Variants in MSI2 observed in about 807,000 individuals in gnomAD.
MSI2 encodes musashi RNA binding protein 2, also known as RNA-binding protein Musashi homolog 2.
Under a neutral mutation model 45.6 loss-of-function variants are expected in MSI2, and 17 were observed. That is an observed-to-expected ratio of 0.37 (90% CI 0.26 to 0.56). MSI2 has a LOEUF of 0.56. Among genes scored for constraint, MSI2 ranks in the 20% least tolerant of loss-of-function variants. The pLI is 0.77. For missense variants in MSI2, 293 were observed against 444.2 expected, an observed-to-expected ratio of 0.66 and a Z score of 3.06; for synonymous variants, 156 against 158.2, an observed-to-expected ratio of 0.99 and a Z score of 0.11.
intron 6 of MSI2, among the ~76,000 whole-genome samples, chr17:57,479,668 C>T (rs1227960868): frequency 1.3e-5 from 2 of 152,166 alleles, no homozygotes; most frequent in East Asian, 1.9e-4. Context: ...CACATCTGCA[C>T]TAATTGGAGC....
intron 6 of MSI2, among the ~76,000 whole-genome samples, chr17:57,438,931 C>T (rs571840949): frequency 8.5e-4 from 129 of 152,214 alleles, no homozygotes; most frequent in African/African-American, 3.0e-3. Flanking sequence ...TCCCAAGTAG[C>T]TAGGATTACA....
chr17:57,396,945 G>A (rs954319548), intron 5 of MSI2, among the ~76,000 whole-genome samples: 3 of 152,104 alleles, frequency 2.0e-5, no homozygotes, highest in African/African-American at 7.2e-5. Context: ...TCTAATGGTG[G>A]GAAGCACTCA....
chr17:57,598,433 G>C (rs1188928803), intron 8 of MSI2, among the ~76,000 whole-genome samples: 1 of 152,064 alleles, frequency 6.6e-6, no homozygotes, highest in Non-Finnish European at 1.5e-5. Context: ...TTTTTTCCCA[G>C]GGCACTAAAA....
chr17:57,428,978 A>G (rs2084544990), intron 6 of MSI2, among the ~76,000 whole-genome samples: 1 of 151,998 alleles, frequency 6.6e-6, no homozygotes, highest in Admixed American at 6.6e-5. Flanking sequence ...AGGCATTGGG[A>G]CTCCAGAGTG....
the MSI2 span, among the ~76,000 whole-genome samples, chr17:57,693,195 C>A: frequency 6.7e-6 from 1 of 149,962 alleles, no homozygotes; most frequent in South Asian, 2.1e-4. Context: ...TTTTTCTTTT[C>A]TTTTTGAGAC....
chr17:57,628,235 C>G (rs538957842), intron 10 of MSI2: 1 of 152,444 alleles, frequency 6.6e-6, no homozygotes, highest in East Asian at 1.9e-4. Flanking sequence ...AGTTTCACCC[C>G]TGCCTTGTCG....
chr17:57,322,086 C>T (rs748861998), intron 5 of MSI2, among the ~76,000 whole-genome samples: 4 of 152,176 alleles, frequency 2.6e-5, no homozygotes, highest in South Asian at 2.1e-4. Context: ...TGTGAGCCAC[C>T]GCGCCCAGGC....
In MSI2 at chr17:57,295,851, C is replaced by G. The variant is rs1035996792; in HGVS notation, c.312+33659C>G. On this transcript the variant is annotated intron_variant, in intron 5 of 13. Coordinates refer to ENST00000284073, the MANE Select transcript of MSI2 (RefSeq NM_138962.4). ...TTTGAGAATATGGGGCTTTCTGCTC[C>G]CGTCACAAATCTTTGCTTGGGGGAG... is the stretch of plus-strand genomic sequence containing the variant. 2.0e-5 allele frequency among the ~76,000 whole-genome samples: 3 copies of G among 152,270 alleles called. No individual in the cohort carries two copies. In the East Asian group the frequency reaches 5.8e-4, roughly 29 times the overall value.
intron 6 of MSI2, among the ~76,000 whole-genome samples, chr17:57,520,875 G>A (rs1044598312): frequency 2.6e-5 from 4 of 151,910 alleles, no homozygotes; most frequent in African/African-American, 9.7e-5. Context: ...ATGTTAGCCA[G>A]GCTGGTCTTG....
Position 57,627,486 on chromosome 17 carries a change from A to T in MSI2, c.727+183A>T. 1.6e-6 allele frequency: 1 copy of T among 628,016 alleles called. No homozygotes were observed. Among genetic ancestry groups the T allele is most frequent in the African/African-American group, 1.8e-5 (1 of 54,526 alleles). The allele number at this position is 628,016 out of a possible 1,614,324, so 38.9% of individuals were successfully genotyped here. On this transcript the variant is annotated intron_variant, in intron 10 of 13. Coordinates refer to ENST00000284073, the MANE Select transcript of MSI2 (RefSeq NM_138962.4). This position sits in a 1 kb window ranked among gnomAD's most constrained non-coding sequence, Gnocchi z 4.6. ...GGATGCAGCTCAGAGTTTTTGATTAACTCAGGTATAACTCACTGGTGCCGG... is the reference window on the plus strand; with the variant it reads ...GGATGCAGCTCAGAGTTTTTGATTATCTCAGGTATAACTCACTGGTGCCGG...
intron 6 of MSI2, among the ~76,000 whole-genome samples, chr17:57,419,451 C>A (rs2084356360): frequency 6.6e-6 from 1 of 152,038 alleles, no homozygotes; most frequent in Admixed American, 6.5e-5. Flanking sequence ...CAACCTCCGC[C>A]TCCCAGGTTC....
intron 5 of MSI2, among the ~76,000 whole-genome samples, chr17:57,277,345 A>C (rs770808628): frequency 5.9e-5 from 9 of 152,118 alleles, no homozygotes; most frequent in Non-Finnish European, 1.2e-4. Flanking sequence ...GGCATGAGCC[A>C]CCGCACCCGG....
the MSI2 span, among the ~76,000 whole-genome samples, chr17:57,692,958 T>C: frequency 6.6e-6 from 1 of 151,938 alleles, no homozygotes. Context: ...TTGAGATTCT[T>C]TGAACTTCTT....
chr17:57,346,348 TGG>T (rs61454049), intron 5 of MSI2, among the ~76,000 whole-genome samples: 324 of 128,376 alleles, frequency 2.5e-3, no homozygotes, highest in Non-Finnish European at 3.4e-3. Flanking sequence ...TAACACATTT[TGG>T]GGGGGGGGGT....
the MSI2 span, among the ~76,000 whole-genome samples, chr17:57,696,275 G>A: frequency 6.6e-6 from 1 of 152,246 alleles, no homozygotes; most frequent in Non-Finnish European, 1.5e-5. Context: ...AAGTGGCAAT[G>A]TCACGGCAGA....
chr17:57,299,927 G>A (rs1012986280), intron 5 of MSI2, among the ~76,000 whole-genome samples: 3 of 152,226 alleles, frequency 2.0e-5, no homozygotes, highest in Non-Finnish European at 4.4e-5. Flanking sequence ...CCTCTAGGGA[G>A]GGCAGATTAT....
intron 5 of MSI2, among the ~76,000 whole-genome samples, chr17:57,361,451 A>T (rs946310982): frequency 4.6e-5 from 7 of 151,878 alleles, no homozygotes; most frequent in African/African-American, 1.7e-4. Context: ...AATAAAAAAA[A>T]AAAAATTAGC....
At chr17:57,620,202 G>A (rs545604611) in intron 9 of MSI2, among the ~76,000 whole-genome samples, 18 of 152,274 alleles carry the variant, frequency 1.2e-4, no homozygotes, top group African/African-American at 4.1e-4. Flanking sequence ...GTGTGATTTG[G>A]GGCAAGTGGC....
intron 13 of MSI2, among the ~76,000 whole-genome samples, chr17:57,677,492 G>A (rs945382365): frequency 2.6e-5 from 4 of 152,212 alleles, no homozygotes; most frequent in African/African-American, 9.7e-5. Context: ...CACTCCTGGA[G>A]GTCCTTTGAG....
Sources: gnomAD v4.1 joint callset for allele counts (sites outside exome capture counted in the v4.1 genomes callset) on GRCh38, gnomAD v4.1.1 for gene constraint, Gnocchi (gnomAD v3.1) non-coding constraint, MANE v1.5 for transcripts, NCBI Gene and HGNC (gene_info 2026-07-23, HGNC 2026-07-21) for gene names.